The following MNT variants were observed in gnomAD, a reference collection of about 807,000 sequenced individuals.
The protein encoded by MNT is MAX network transcriptional repressor, also known as max-binding protein MNT.
MNT carries 13 observed loss-of-function variants against 40.7 expected under a neutral mutation model. That is an observed-to-expected ratio of 0.32 (90% CI 0.21 to 0.51). The LOEUF (loss-of-function observed/expected upper bound fraction) is 0.51, where lower values mean the gene tolerates loss of function less well. MNT is among the 20% of genes least tolerant of loss of function. The probability of loss-of-function intolerance (pLI) is 0.98; values close to 1 mark genes in which losing one functional copy is unlikely to be tolerated. For missense variants in MNT, 757 were observed against 792.0 expected, an observed-to-expected ratio of 0.96 and a Z score of 0.53; for synonymous variants, 426 against 354.8, an observed-to-expected ratio of 1.20 and a Z score of -2.26.
intron 4 of MNT, chr17:2,389,469 T>C (rs528863666): frequency 6.6e-6 from 1 of 152,048 alleles, no homozygotes; most frequent in Admixed American, 6.6e-5. Context: ...GAGACAGGGT[T>C]TCTCCATGTT....
chr17:2,387,042 C>T lies in MNT; in HGVS notation c.1608G>A (p.Gly536=). Residue 536 remains glycine (G), a synonymous_variant, in exon 6 of 6, where the codon GGG becomes GGA. Coordinates refer to ENST00000174618, the MANE Select transcript of MNT (RefSeq NM_020310.3). The part of the protein sequence containing the change: ...HQQVNGTAGL[G]PPATVMAKPA... ...GCTTTGCCATGACAGTAGCCGGGGG[C>T]CCCAGGCCGGCCGTGCCGTTGACTT... is the stretch of plus-strand genomic sequence containing the variant. The T allele has an allele frequency of 1.9e-6, 3 of 1,554,356 alleles. No individual in the cohort carries two copies. The highest frequency in any genetic ancestry group is 1.2e-5 in the South Asian group (1 of 84,192).
At chr17:2,394,602 G>A (rs2066559798) in intron 2 of MNT, among the ~76,000 whole-genome samples, 1 of 152,110 alleles carries the variant, frequency 6.6e-6, no homozygotes, top group Non-Finnish European at 1.5e-5. Context: ...GAGGCAGCCG[G>A]TTGACCCCAG....
chr17:2,390,207 G>A (rs1031419944), intron 4 of MNT: 1 of 152,252 alleles, frequency 6.6e-6, no homozygotes, highest in Non-Finnish European at 1.5e-5. Context: ...TCAGCCCCAG[G>A]GGAAGGACCT....
intron 4 of MNT, among the ~76,000 whole-genome samples, chr17:2,392,539 C>G (rs1470221305): frequency 6.6e-6 from 1 of 152,246 alleles, no homozygotes; most frequent in Non-Finnish European, 1.5e-5. Context: ...GGGAGTGCAG[C>G]GAAGTGTCTG....
chr17:2,399,026 C>G (rs1183158844), intron 1 of MNT, among the ~76,000 whole-genome samples: 1 of 151,510 alleles, frequency 6.6e-6, no homozygotes, highest in African/African-American at 2.4e-5. Context: ...CCCCCGCCCG[C>G]CGCGGCGGCG....
rs2066458556 is a variant in MNT at position 2,386,215 on chromosome 17, G to C, written c.*686C>G. On this transcript the variant is annotated 3_prime_UTR_variant, in exon 6 of 6. Transcript: ENST00000174618. ...ATTGGGGTGAGGGCACAGGAAGCTT[G>C]GCAGTGGCTGGGTTTGGTTTATTGT... 1.3e-5 allele frequency: 2 copies of C among 152,316 alleles called. No individual in the cohort carries two copies. The highest frequency in any genetic ancestry group is 2.4e-5 in the African/African-American group (1 of 41,462). The allele number at this position is 152,316 out of a possible 1,614,324, so 9.4% of individuals were successfully genotyped here.
rs1235371471 is a variant in MNT at position 2,395,086 on chromosome 17, G to A, written c.442C>T (p.Pro148Ser). Residue 148 changes from proline (P) to serine (S), a missense_variant, in exon 2 of 6, where the codon CCC (proline) becomes TCC (serine). By Grantham distance (74) the Pro-to-Ser change is moderately conservative. Coordinates refer to ENST00000174618, the MANE Select transcript of MNT (RefSeq NM_020310.3). ...PSRPQVPTPA[P>S]LLPDSKATIP... ...GTGGCCTTCGAGTCCGGCAGTAGGGGAGCAGGGGTGGGCACCTGCGGCCTG... is the reference window on the plus strand; with the variant it reads ...GTGGCCTTCGAGTCCGGCAGTAGGGAAGCAGGGGTGGGCACCTGCGGCCTG... 6 of 1,521,204 alleles carry A rather than the reference G, an allele frequency of 3.9e-6. No homozygotes were observed. Among genetic ancestry groups the A allele is most frequent in the Middle Eastern group, 1.8e-4 (1 of 5,684 alleles). The allele number at this position is 1,521,204 out of a possible 1,614,324, so 94.2% of individuals were successfully genotyped here. A position where few individuals can be genotyped will look rare whatever the true frequency, so the allele number is the denominator to read the frequency against.
In MNT at chr17:2,395,474, G is replaced by T. The variant is rs542082106; in HGVS notation, c.74-20C>A. 5.9e-5 allele frequency: 95 copies of T among 1,608,140 alleles called. No individual in the cohort carries two copies. In the East Asian group the frequency reaches 1.5e-3, roughly 26 times the overall value. ...GCTCCTCTACACAGAGAGAACACAA[G>T]GGGGGGAGGGTCTCAGCGGGGCCCC... On this transcript the variant is annotated intron_variant, in intron 1 of 5. Transcript: ENST00000174618.
At position 2,394,305 on chromosome 17, in the gene MNT, C is replaced by T; in HGVS notation, c.695G>A (p.Arg232Lys). Residue 232 changes from arginine (R) to lysine (K), a missense_variant and splice_region_variant, in exon 3 of 6, where the codon AGG becomes AAG. By Grantham distance (26) the Arg-to-Lys change is conservative. Coordinates refer to ENST00000174618, the MANE Select transcript of MNT (RefSeq NM_020310.3). ...CACACACACACACACACACACACACCTGTTCTTCTCCAATTTGTTGTGGAC... is the reference window on the plus strand; with the variant it reads ...CACACACACACACACACACACACACTTGTTCTTCTCCAATTTGTTGTGGAC... ...REVHNKLEKN[R>K]RAHLKECFET... 1 of 1,336,102 alleles carries T rather than the reference C, an allele frequency of 7.5e-7. No homozygotes were observed. The highest frequency in any genetic ancestry group is 1.0e-6 in the Non-Finnish European group (1 of 997,562). 82.8% of individuals were successfully genotyped at this position (1,336,102 alleles called of 1,614,324 possible). A position where few individuals can be genotyped will look rare whatever the true frequency, so the allele number is the denominator to read the frequency against.
In MNT at chr17:2,387,627, C is replaced by T; in HGVS notation, c.1023G>A (p.Glu341=). Residue 341 remains glutamate (E), a synonymous_variant, in exon 6 of 6, where the codon GAG becomes GAA. Transcript: ENST00000174618. The part of the protein sequence containing the change: ...TASEGEDNID[E]DMEEDRAGLG... ...GGCCCGCCCGGTCCTCCTCCATATC[C>T]TCGTCTATGTTGTCCTCACCCTCTG... is the stretch of plus-strand genomic sequence containing the variant. 6.2e-7 allele frequency: 1 copy of T among 1,614,080 alleles called. No individual in the cohort carries two copies. The highest frequency in any genetic ancestry group is 8.5e-7 in the Non-Finnish European group (1 of 1,179,988).
At chr17:2,391,618 GTGGC>G (rs1480632012) in intron 4 of MNT, 1 of 152,228 alleles carries the variant, frequency 6.6e-6, no homozygotes, top group Non-Finnish European at 1.5e-5. Flanking sequence ...CCACTTTACT[GTGGC>G]TGTCTTCAAA....
chr17:2,400,499 G>A, intron 1 of MNT, 141 bp downstream of exon 1: 1 of 658,044 alleles, frequency 1.5e-6, no homozygotes, highest in African/African-American at 1.9e-5. Flanking sequence ...CCAGGCGGCG[G>A]CTCTCGCGGG....
chr17:2,394,372 C>T, intron 2 of MNT, 26 bp from the exon 3 acceptor site: 1 of 1,613,416 alleles, frequency 6.2e-7, no homozygotes. Flanking sequence ...ATAGGAGGCT[C>T]AGGGAGGAGG....
chr17:2,388,089 G>A lies in MNT; in HGVS notation c.808-40C>T, dbSNP rs759014050. 16 of 1,512,164 alleles carry A rather than the reference G, an allele frequency of 1.1e-5. No homozygotes were observed. The Admixed American group carries it at 1.9e-4, about 18-fold the overall frequency. 93.7% of individuals were successfully genotyped at this position (1,512,164 alleles called of 1,614,324 possible). On this transcript the variant is annotated intron_variant, in intron 4 of 5. Coordinates refer to ENST00000174618, the MANE Select transcript of MNT (RefSeq NM_020310.3). Reference sequence around the variant, plus strand: ...AAGGGACAGCAGGACACCCTGAGCAGCAGCCTTGGGGCCCAAAGCCCCCAC... The same window carrying A: ...AAGGGACAGCAGGACACCCTGAGCAACAGCCTTGGGGCCCAAAGCCCCCAC...
At chr17:2,393,722 C>T (rs966325464) in intron 4 of MNT, 1 of 159,914 alleles carries the variant, frequency 6.3e-6, no homozygotes, top group African/African-American at 2.4e-5. Context: ...CGCGGCTGCA[C>T]CAACACGCGC....
In MNT at chr17:2,400,756, C is replaced by T; in HGVS notation, c.-44G>A. Reference sequence around the variant, plus strand: ...GGGCGCGCCGGGGCCGAGGCTGCGGCCCGCGAGCCGGGCACAGGTCAGGCT... The same window carrying T: ...GGGCGCGCCGGGGCCGAGGCTGCGGTCCGCGAGCCGGGCACAGGTCAGGCT... On this transcript the variant is annotated 5_prime_UTR_variant, in exon 1 of 6. Coordinates refer to ENST00000174618, the MANE Select transcript of MNT (RefSeq NM_020310.3). 3.4e-6 allele frequency: 5 copies of T among 1,487,406 alleles called. No homozygotes were observed. The highest frequency in any genetic ancestry group is 4.5e-6 in the Non-Finnish European group (5 of 1,122,524). 92.1% of individuals were successfully genotyped at this position (1,487,406 alleles called of 1,614,324 possible). A position where few individuals can be genotyped will look rare whatever the true frequency, so the allele number is the denominator to read the frequency against.
At position 2,400,749 on chromosome 17, in the gene MNT, G is replaced by T. The variant is rs933209999; in HGVS notation, c.-37C>A. The T allele has an allele frequency of 6.7e-6, 10 of 1,496,422 alleles. No individual in the cohort carries two copies. The South Asian group carries it at 1.3e-4, about 19-fold the overall frequency. The allele number at this position is 1,496,422 out of a possible 1,614,324, so 92.7% of individuals were successfully genotyped here. A position where few individuals can be genotyped will look rare whatever the true frequency, so the allele number is the denominator to read the frequency against. On this transcript the variant is annotated 5_prime_UTR_variant, in exon 1 of 6. Transcript: ENST00000174618. Reference sequence around the variant, plus strand: ...CTGCCGGGGGCGCGCCGGGGCCGAGGCTGCGGCCCGCGAGCCGGGCACAGG... The same window carrying T: ...CTGCCGGGGGCGCGCCGGGGCCGAGTCTGCGGCCCGCGAGCCGGGCACAGG...
chr17:2,400,968 C>T lies in MNT; in HGVS notation c.-256G>A. On this transcript the variant is annotated 5_prime_UTR_variant, in exon 1 of 6. Transcript: ENST00000174618. ...AAAAAAAAAAAGGCGGCACTGCCTC[C>T]CTTCTTCCCCTCCCTCTCTACCTCC... 2.7e-6 allele frequency: 1 copy of T among 371,278 alleles called. No individual in the cohort carries two copies. Among genetic ancestry groups the T allele is most frequent in the East Asian group, 4.9e-5 (1 of 20,550 alleles). 23.0% of individuals were successfully genotyped at this position (371,278 alleles called of 1,614,324 possible).
chr17:2,393,304 T>C (rs1381172915), intron 4 of MNT, among the ~76,000 whole-genome samples: 1 of 151,464 alleles, frequency 6.6e-6, no homozygotes, highest in Non-Finnish European at 1.5e-5. Context: ...CCGCCTGACG[T>C]GGCGGCGCCC....
Sources: allele counts gnomAD v4.1 joint callset (sites outside exome capture counted in the v4.1 genomes callset), GRCh38; gene constraint gnomAD v4.1.1; transcripts MANE v1.5; gene names NCBI Gene and HGNC (gene_info 2026-07-23, HGNC 2026-07-21).